ERC2: variants seen among roughly 807,000 people sequenced by gnomAD.
ERC2 encodes the protein ERC protein 2.
ERC2 carries 42 observed loss-of-function variants against 114.8 expected under a neutral mutation model. The ratio of observed to expected loss-of-function variants is 0.37; its 90% CI spans 0.29 to 0.47. The LOEUF (loss-of-function observed/expected upper bound fraction) is 0.47, where lower values mean the gene tolerates loss of function less well. Among genes scored for constraint, ERC2 ranks in the 20% least tolerant of loss-of-function variants. The probability of loss-of-function intolerance (pLI) is 0.99; values close to 1 mark genes in which losing one functional copy is unlikely to be tolerated. For synonymous variants in ERC2, 454 were observed against 425.5 expected (o/e 1.07, Z -0.82); for missense variants, 939 against 1,150.7 (o/e 0.82, Z 2.66).
chr3:55,792,326 G>A (rs2070104211), intron 14 of ERC2, among the ~76,000 whole-genome samples: 2 of 152,178 alleles, frequency 1.3e-5, no homozygotes, highest in African/African-American at 2.4e-5. Flanking sequence ...GGCAGAGGGT[G>A]GAGAAAGGTA....
chr3:55,773,249 G>T (rs2149031143), intron 14 of ERC2, among the ~76,000 whole-genome samples: 1 of 152,268 alleles, frequency 6.6e-6, no homozygotes, highest in Non-Finnish European at 1.5e-5. Context: ...TTCCTGGCTG[G>T]TCCCACCTTA....
chr3:55,798,427 T>C (rs1006965879), intron 14 of ERC2, among the ~76,000 whole-genome samples: 6 of 151,786 alleles, frequency 4.0e-5, no homozygotes, highest in African/African-American at 1.5e-4. Context: ...TGAAACCCCG[T>C]CTCTACTAAA....
intron 14 of ERC2, among the ~76,000 whole-genome samples, chr3:55,876,592 G>A (rs1289261684): frequency 6.6e-6 from 1 of 152,200 alleles, no homozygotes; most frequent in African/African-American, 2.4e-5. Flanking sequence ...TGTTATAATT[G>A]TGCATCAATT....
chr3:56,132,398 T>G (rs1396661827), intron 6 of ERC2, among the ~76,000 whole-genome samples: 1 of 152,260 alleles, frequency 6.6e-6, no homozygotes, highest in Non-Finnish European at 1.5e-5. Context: ...GTTATCACAC[T>G]GAGTCATCTG....
chr3:56,067,367 T>C (rs2076529899), intron 7 of ERC2, among the ~76,000 whole-genome samples: 1 of 152,184 alleles, frequency 6.6e-6, no homozygotes, highest in Non-Finnish European at 1.5e-5. Context: ...TGTTGGTGTA[T>C]AGGAATGCTT....
At chr3:56,349,073 GA>G (rs1232719997) in intron 2 of ERC2, among the ~76,000 whole-genome samples, 2 of 152,316 alleles carry the variant, frequency 1.3e-5, no homozygotes, top group African/African-American at 4.8e-5. Context: ...AAAATTAACA[GA>G]AGAAAATAGC....
chr3:55,906,431 C>CAAAAAAA (rs368262866), intron 13 of ERC2, among the ~76,000 whole-genome samples: 2 of 67,970 alleles, frequency 2.9e-5, no homozygotes, highest in African/African-American at 6.8e-5. Flanking sequence ...GACTCTGTCT[C>CAAAAAAA]AAAAAAAAAA....
intron 10 of ERC2, among the ~76,000 whole-genome samples, chr3:56,005,392 T>A (rs1442397139): frequency 6.6e-6 from 1 of 152,056 alleles, no homozygotes; most frequent in African/African-American, 2.4e-5. Context: ...CCACACACTC[T>A]GAGTGATCTC....
intron 3 of ERC2, among the ~76,000 whole-genome samples, chr3:56,265,363 G>A (rs919239918): frequency 2.6e-5 from 4 of 152,166 alleles, no homozygotes; most frequent in African/African-American, 9.7e-5. Context: ...AAAGGACAGT[G>A]TCTTCAATAA....
At chr3:55,532,087 A>G (rs977914250) in intron 17 of ERC2, among the ~76,000 whole-genome samples, 2 of 152,200 alleles carry the variant, frequency 1.3e-5, no homozygotes, top group African/African-American at 4.8e-5. Context: ...CACCCTTTTC[A>G]TAGGATTTCT....
At chr3:56,459,569 A>G (rs1399377465) in intron 1 of ERC2, among the ~76,000 whole-genome samples, 1 of 152,032 alleles carries the variant, frequency 6.6e-6, no homozygotes, top group African/African-American at 2.4e-5. Context: ...ACACAGGATA[A>G]TTAAGTGAGC....
At chr3:55,659,111 A>G (rs2061005590) in intron 17 of ERC2, 1 of 152,204 alleles carries the variant, frequency 6.6e-6, no homozygotes, top group South Asian at 2.1e-4. Context: ...GTTTTCCTGA[A>G]AGCTTTTGTT....
chr3:55,574,944 C>A (rs2056899168), intron 17 of ERC2, among the ~76,000 whole-genome samples: 1 of 152,228 alleles, frequency 6.6e-6, no homozygotes, highest in African/African-American at 2.4e-5. Context: ...AGAAACCACA[C>A]ACTGGAGGAG....
intron 14 of ERC2, among the ~76,000 whole-genome samples, chr3:55,751,841 T>C (rs1292816063): frequency 6.6e-6 from 1 of 152,218 alleles, no homozygotes; most frequent in East Asian, 1.9e-4. Flanking sequence ...GGAGGAATGA[T>C]GTGACTAAAC....
At chr3:55,969,592 C>T (rs2069008854) in intron 12 of ERC2, among the ~76,000 whole-genome samples, 1 of 152,208 alleles carries the variant, frequency 6.6e-6, no homozygotes, top group African/African-American at 2.4e-5. Flanking sequence ...CTGCAGTAAG[C>T]CAGCCTTTGC....
chr3:56,140,351 G>A (rs2080780423), intron 5 of ERC2, among the ~76,000 whole-genome samples: 1 of 152,054 alleles, frequency 6.6e-6, no homozygotes, highest in African/African-American at 2.4e-5. Flanking sequence ...TTGTCTTTTA[G>A]GCTGATCATA....
intron 12 of ERC2, among the ~76,000 whole-genome samples, chr3:55,961,714 A>T (rs1228626670): frequency 6.6e-6 from 1 of 152,050 alleles, no homozygotes; most frequent in East Asian, 1.9e-4. Context: ...TCTTAAAATT[A>T]TTTAGGAATG....
chr3:56,097,662 C>T (rs148207982), intron 6 of ERC2, among the ~76,000 whole-genome samples: 247 of 152,286 alleles, frequency 1.6e-3, no homozygotes, highest in African/African-American at 5.2e-3. Flanking sequence ...GAAGTTCCCA[C>T]CGTTTTCACA....
chr3:55,730,051 G>A (rs1175701789), intron 15 of ERC2, among the ~76,000 whole-genome samples: 1 of 151,874 alleles, frequency 6.6e-6, no homozygotes, highest in East Asian at 1.9e-4. Flanking sequence ...GGACAGGTTG[G>A]GAGTCACAAG....
Sources: gnomAD v4.1 joint callset for allele counts (sites outside exome capture counted in the v4.1 genomes callset) on GRCh38, gnomAD v4.1.1 for gene constraint, MANE v1.5 for transcripts, NCBI Gene and HGNC (gene_info 2026-07-23, HGNC 2026-07-21) for gene names.